The following CD99 variants were observed in gnomAD, a reference collection of about 807,000 sequenced individuals.
CD99 encodes CD99 molecule (Xg blood group).
A neutral mutation model predicts 28.4 loss-of-function variants in CD99; 19 were observed. The observed-to-expected ratio is 0.67, with a 90% CI of 0.47 to 0.98. The LOEUF (loss-of-function observed/expected upper bound fraction) is 0.98. CD99 is among the 50% of genes least tolerant of loss of function. The pLI is 0.00. For missense variants in CD99, 283 were observed against 248.8 expected (o/e 1.14, Z -0.92); for synonymous variants, 103 against 92.1 (o/e 1.12, Z -0.67).
chrX:2,707,738 A>G (rs1367780365), intron 1 of CD99, among the ~76,000 whole-genome samples: 2 of 152,194 alleles, frequency 1.3e-5, no homozygotes, highest in African/African-American at 4.8e-5. Context: ...TGAATGCCGT[A>G]AACGTGCAAC....
intron 5 of CD99, 106 bp from the exon 6 acceptor site, chrX:2,722,521 A>G (rs182044865): frequency 8.3e-5 from 78 of 940,326 alleles, no homozygotes; most frequent in Non-Finnish European, 1.3e-4. Context: ...GGGTTTCACC[A>G]TGTTGATGAA....
chrX:2,693,150 G>GTGGCT (rs770862071), intron 1 of CD99, among the ~76,000 whole-genome samples: 1 of 147,024 alleles, frequency 6.8e-6, no homozygotes, highest in East Asian at 2.0e-4. Context: ...GGTGGTGGTG[G>GTGGCT]TTTTTTTTTT....
Position 2,707,888 on chromosome X carries a change from T to C in CD99, c.68-6534T>C, listed in dbSNP as rs190144586. ...GAGCAAAAAGGCAAGTGGGGGTGTC[T>C]GCTGTGAGCCCGCAATTTCCTGCCT... On this transcript the variant is annotated intron_variant, in intron 1 of 9. Coordinates refer to ENST00000381192, the MANE Select transcript of CD99 (RefSeq NM_002414.5). Among the ~76,000 whole-genome samples the C allele has an allele frequency of 1.6e-3, 247 of 152,292 alleles. 1 individual carries two copies. The highest frequency in any genetic ancestry group is 5.7e-3 in the African/African-American group (238 of 41,556).
chrX:2,725,098 T>TAA (rs748563247), intron 7 of CD99, among the ~76,000 whole-genome samples: 14 of 103,002 alleles, frequency 1.4e-4, no homozygotes, highest in East Asian at 8.1e-4. Context: ...TGGAATAACA[T>TAA]AAAAAAAAAA....
At chrX:2,715,727 G>T (rs1281403583) in intron 2 of CD99, 2 of 152,282 alleles carry the variant, frequency 1.3e-5, no homozygotes, top group African/African-American at 4.8e-5. Flanking sequence ...TCTAGGGGAG[G>T]ATCCTTCCTG....
At chrX:2,696,262 T>C (rs1427825330) in intron 1 of CD99, among the ~76,000 whole-genome samples, 2 of 151,948 alleles carry the variant, frequency 1.3e-5, no homozygotes, top group Non-Finnish European at 2.9e-5. Context: ...GATTTTCTGC[T>C]GTCTTCCGTG....
At chrX:2,701,439 T>TCCATCCA (rs1351626454) in intron 1 of CD99, among the ~76,000 whole-genome samples, 55 of 152,234 alleles carry the variant, frequency 3.6e-4, no homozygotes, top group African/African-American at 9.6e-4. Flanking sequence ...AGCACCATTG[T>TCCATCCA]GGATGGAAGG....
chrX:2,734,855 C>G (rs1438676420), intron 8 of CD99, among the ~76,000 whole-genome samples: 3 of 147,888 alleles, frequency 2.0e-5, no homozygotes, highest in Non-Finnish European at 4.5e-5. Flanking sequence ...TATTTGCCCT[C>G]TTGTGGAAAT....
chrX:2,724,765 C>T (rs1257379772), intron 7 of CD99, among the ~76,000 whole-genome samples: 2 of 151,922 alleles, frequency 1.3e-5, no homozygotes, highest in African/African-American at 4.8e-5. Flanking sequence ...ATTAGCTGGG[C>T]GTGTGCCATG....
At chrX:2,693,425 G>A (rs766959975) in intron 1 of CD99, among the ~76,000 whole-genome samples, 193 of 152,230 alleles carry the variant, frequency 1.3e-3, no homozygotes, top group African/African-American at 3.9e-3. Context: ...GGGCCTGGCC[G>A]TCAGCACTGA....
chrX:2,738,286 C>T (rs2050046474), intron 9 of CD99, 30 bp downstream of exon 9: 4 of 1,608,480 alleles, frequency 2.5e-6, no homozygotes, highest in Admixed American at 1.7e-5. Flanking sequence ...ATGGCTTGCA[C>T]ACGTGGCCAG....
chrX:2,691,775 T>A, intron 1 of CD99: 2 of 766,762 alleles, frequency 2.6e-6, no homozygotes, highest in South Asian at 2.8e-5. Context: ...CCCACCCCGT[T>A]ATCTACCCCC....
At chrX:2,717,705 G>C in intron 3 of CD99, 53 bp downstream of exon 3, 1 of 1,515,432 alleles carries the variant, frequency 6.6e-7, no homozygotes, top group East Asian at 2.3e-5. Context: ...TCATTTTCTC[G>C]GACAGCAGGA....
chrX:2,717,411 C>T, intron 2 of CD99, 194 bp from the exon 3 acceptor site: 1 of 578,410 alleles, frequency 1.7e-6, no homozygotes, highest in Admixed American at 3.0e-5. Context: ...TGGCCGGTAG[C>T]AGCCTCTGTG....
At chrX:2,715,959 G>A (rs1319739325) in intron 2 of CD99, among the ~76,000 whole-genome samples, 1 of 151,778 alleles carries the variant, frequency 6.6e-6, no homozygotes, top group African/African-American at 2.4e-5. Context: ...ACCTATTGAG[G>A]TTTGGGGTGG....
intron 1 of CD99, chrX:2,691,922 G>T (rs1232830618): frequency 3.9e-6 from 3 of 778,774 alleles, no homozygotes; most frequent in African/African-American, 1.7e-5. Context: ...GGAAGGGAAG[G>T]AAAAGTTAGA....
chrX:2,724,243 A>G (rs1318100503), intron 7 of CD99, among the ~76,000 whole-genome samples: 1 of 152,138 alleles, frequency 6.6e-6, no homozygotes, highest in Non-Finnish European at 1.5e-5. Context: ...GTTAATGTCT[A>G]CTATGTCACT....
At chrX:2,695,817 A>G (rs920996233) in intron 1 of CD99, among the ~76,000 whole-genome samples, 266 of 151,972 alleles carry the variant, frequency 1.8e-3, no homozygotes, top group Non-Finnish European at 3.1e-3. Context: ...TATTTTTAGT[A>G]GAGACGGTGT....
chrX:2,739,027 T>G (rs751673735), intron 9 of CD99, among the ~76,000 whole-genome samples: 20 of 152,080 alleles, frequency 1.3e-4, no homozygotes, highest in South Asian at 8.3e-4. Context: ...TGTTGTTGTT[T>G]TTTTTTTATT....
Sources: gnomAD v4.1 joint callset for allele counts (sites outside exome capture counted in the v4.1 genomes callset) on GRCh38, gnomAD v4.1.1 for gene constraint, MANE v1.5 for transcripts, NCBI Gene and HGNC (gene_info 2026-07-23, HGNC 2026-07-21) for gene names.